Variants in PPP1R37 observed in about 807,000 individuals in gnomAD.
PPP1R37 encodes leucine rich repeat containing 68.
In PPP1R37, 21 loss-of-function variants were observed where a neutral mutation model predicts 61.0. The ratio of observed to expected loss-of-function variants is 0.34; its 90% CI spans 0.24 to 0.50. PPP1R37 has a LOEUF of 0.50. Ranked by LOEUF, PPP1R37 falls within the 20% of genes least tolerant of loss-of-function variation. The pLI is 0.98. For missense variants in PPP1R37, 910 were observed against 952.7 expected (o/e 0.96, Z 0.59); for synonymous variants, 443 against 433.5 (o/e 1.02, Z -0.27).
chr19:45,135,085 TAAAA>T (rs1412316676), intron 1 of PPP1R37, among the ~76,000 whole-genome samples: 1 of 152,088 alleles, frequency 6.6e-6, no homozygotes, highest in Non-Finnish European at 1.5e-5. Context: ...CCATCTCTAC[TAAAA>T]ATGCAAAAAT....
Position 45,142,427 on chromosome 19 carries a change from G to A in PPP1R37, c.843G>A (p.Leu281=), listed in dbSNP as rs777495209. 4 of 1,536,082 alleles carry A rather than the reference G, an allele frequency of 2.6e-6. No individual in the cohort carries two copies. In the Admixed American group the frequency reaches 5.9e-5, roughly 23 times the overall value. ...LLKFNCSLQI[L]DLRNNHVLDS... ...AGTTCAACTGCTCCCTGCAGATCCT[G>A]GACCTCCGGAACAACCACGTGCTAG... Residue 281 remains leucine, a synonymous_variant, in exon 7 of 13, where the codon CTG becomes CTA. Transcript: ENST00000221462.
Position 45,142,187 on chromosome 19 carries a change from T to A in PPP1R37, c.694T>A (p.Ser232Thr), listed in dbSNP as rs1343246237. ...GCTGCACTTGGAGAACGCCAGCCTG[T>A]CGGGGCGGCCCCTCATGCTGCTCGG... ...AVLHLENASLSGRPLMLLATA... is the reference protein window; with the variant it reads ...AVLHLENASLTGRPLMLLATA... Residue 232 changes from serine to threonine, a missense_variant, in exon 6 of 13, where the codon TCG (serine) becomes ACG (threonine). Transcript: ENST00000221462. 1 of 1,534,962 alleles carries A rather than the reference T, an allele frequency of 6.5e-7. No individual in the cohort carries two copies. The highest frequency in any genetic ancestry group is 8.7e-7 in the Non-Finnish European group (1 of 1,146,364).
intron 1 of PPP1R37, among the ~76,000 whole-genome samples, chr19:45,118,206 C>T (rs915996321): frequency 6.6e-6 from 1 of 152,214 alleles, no homozygotes; most frequent in Non-Finnish European, 1.5e-5. Flanking sequence ...GGCACCCAGC[C>T]GCTGTCCCCA....
chr19:45,119,948 C>G (rs1968318830), intron 1 of PPP1R37, among the ~76,000 whole-genome samples: 1 of 151,944 alleles, frequency 6.6e-6, no homozygotes, highest in Non-Finnish European at 1.5e-5. Context: ...GGCTGCTTCA[C>G]TGGCTACTCC....
At chr19:45,138,678 C>T (rs1185835105) in intron 2 of PPP1R37, 67 bp downstream of exon 2, 6 of 1,175,632 alleles carry the variant, frequency 5.1e-6, no homozygotes, top group Non-Finnish European at 7.3e-6. Flanking sequence ...TGGAACCAGC[C>T]CAGCAGGAGA....
At chr19:45,113,212 A>G (rs193090583) in intron 1 of PPP1R37, among the ~76,000 whole-genome samples, 19 of 152,296 alleles carry the variant, frequency 1.2e-4, no homozygotes, top group African/African-American at 4.6e-4. Flanking sequence ...GGGCAGGAAG[A>G]TGTGCATTAC....
chr19:45,128,132 A>G (rs1378385903), intron 1 of PPP1R37, among the ~76,000 whole-genome samples: 1 of 152,152 alleles, frequency 6.6e-6, no homozygotes, highest in African/African-American at 2.4e-5. Flanking sequence ...GTATATAGAG[A>G]GAAGGAAGTT....
intron 1 of PPP1R37, among the ~76,000 whole-genome samples, chr19:45,127,674 T>C (rs1568446705): frequency 1.3e-5 from 2 of 152,064 alleles, no homozygotes; most frequent in South Asian, 4.1e-4. Context: ...AGATTCAACA[T>C]AAAGAAATGA....
chr19:45,146,232 G>C (rs1382220177), intron 11 of PPP1R37, 158 bp from the exon 12 acceptor site: 2 of 894,446 alleles, frequency 2.2e-6, no homozygotes, highest in Non-Finnish European at 3.3e-6. Context: ...GCTCTTCCTG[G>C]GGTGGGGGGG....
chr19:45,144,200 TAG>T (rs1320356780), intron 8 of PPP1R37: 3 of 152,426 alleles, frequency 2.0e-5, no homozygotes, highest in African/African-American at 4.8e-5. Context: ...ATTTTTTTAG[TAG>T]AGAGGGGATT....
In PPP1R37 at chr19:45,121,892, G is replaced by A. The variant is rs751377670; in HGVS notation, c.203-16622G>A. 1.1e-4 allele frequency among the ~76,000 whole-genome samples: 17 copies of A among 152,336 alleles called. 1 individual carries two copies. Among genetic ancestry groups the A allele is most frequent in the South Asian group, 8.3e-4 (4 of 4,828 alleles). ...ATGACTGATCAGACTCTGATTCTGT[G>A]TGGAGCAGCCTGGGGAAGGGCTTGG... On this transcript the variant is annotated intron_variant, in intron 1 of 12. Coordinates refer to ENST00000221462, the MANE Select transcript of PPP1R37 (RefSeq NM_019121.2). This position sits in a 1 kb window ranked among gnomAD's most constrained non-coding sequence, Gnocchi z 4.2.
At position 45,131,016 on chromosome 19, in the gene PPP1R37, C is replaced by T. The variant is rs1011684630; in HGVS notation, c.203-7498C>T. Among the ~76,000 whole-genome samples the T allele has an allele frequency of 7.2e-5, 11 of 152,200 alleles. 1 individual carries two copies. In the South Asian group the frequency reaches 1.9e-3, roughly 26 times the overall value. On this transcript the variant is annotated intron_variant, in intron 1 of 12. Coordinates refer to ENST00000221462, the MANE Select transcript of PPP1R37 (RefSeq NM_019121.2). ...TCCCCCGCCCTGCTCCAGGCTGGCA[C>T]GGATGGTGTGAGTCATCACCGCCCC...
chr19:45,097,587 T>C (rs1968009071), intron 1 of PPP1R37, among the ~76,000 whole-genome samples: 1 of 151,660 alleles, frequency 6.6e-6, no homozygotes, highest in South Asian at 2.1e-4. Flanking sequence ...TTCCTGGAGA[T>C]GAGGTGATCT....
At chr19:45,145,285 C>T in intron 10 of PPP1R37, 25 bp downstream of exon 10, 5 of 1,524,578 alleles carry the variant, frequency 3.3e-6, no homozygotes, top group East Asian at 2.5e-5. Flanking sequence ...GTCCTGCAGC[C>T]CTGGGGCGGG....
intron 1 of PPP1R37, among the ~76,000 whole-genome samples, chr19:45,120,082 A>G (rs552550027): frequency 2.9e-3 from 364 of 126,982 alleles, no homozygotes; most frequent in African/African-American, 0.011. Flanking sequence ...CAGTGGCGCG[A>G]TCTCCGCTCA....
chr19:45,097,803 C>T (rs1051112530), intron 1 of PPP1R37, among the ~76,000 whole-genome samples: 10 of 152,106 alleles, frequency 6.6e-5, no homozygotes, highest in African/African-American at 1.9e-4. Flanking sequence ...AGTCCATCCT[C>T]TTCTCCGCTT....
In PPP1R37 at chr19:45,111,507, C is replaced by T. The variant is rs1027748980; in HGVS notation, c.202+17980C>T. ...GGCCAGGCTGGTCTCGAATCCCGACCTCAGGTGATCCGCCTGCCTCGATCT... is the reference window on the plus strand; with the variant it reads ...GGCCAGGCTGGTCTCGAATCCCGACTTCAGGTGATCCGCCTGCCTCGATCT... On this transcript the variant is annotated intron_variant, in intron 1 of 12. Coordinates refer to ENST00000221462, the MANE Select transcript of PPP1R37 (RefSeq NM_019121.2). Among the ~76,000 whole-genome samples, 8 of 152,288 alleles carry T rather than the reference C, an allele frequency of 5.3e-5. No individual in the cohort carries two copies. In the East Asian group the frequency reaches 1.4e-3, roughly 26 times the overall value.
chr19:45,138,560 C>A lies in PPP1R37; in HGVS notation c.249C>A (p.Ala83=), dbSNP rs1370951104. The change falls in exon 2 of 13, where the codon GCC becomes GCA. Residue 83 remains alanine (A), a synonymous_variant. Coordinates refer to ENST00000221462, the MANE Select transcript of PPP1R37 (RefSeq NM_019121.2). The part of the protein sequence containing the change: ...VDEVIGAYKQ[A]CQKLNCRQIP... ...AGGTCATCGGCGCCTACAAGCAGGCCTGCCAGAAGCTGAACTGCAGGCAGA... is the reference window on the plus strand; with the variant it reads ...AGGTCATCGGCGCCTACAAGCAGGCATGCCAGAAGCTGAACTGCAGGCAGA... 6.5e-7 allele frequency: 1 copy of A among 1,534,818 alleles called. No homozygotes were observed. Among genetic ancestry groups the A allele is most frequent in the Non-Finnish European group, 8.7e-7 (1 of 1,146,280 alleles).
chr19:45,131,908 C>T (rs1968482393), intron 1 of PPP1R37, among the ~76,000 whole-genome samples: 1 of 152,164 alleles, frequency 6.6e-6, no homozygotes, highest in Admixed American at 6.6e-5. Flanking sequence ...TCCCTTGTTG[C>T]CTGCGACCCC....
Sources: allele counts gnomAD v4.1 joint callset (sites outside exome capture counted in the v4.1 genomes callset), GRCh38; gene constraint gnomAD v4.1.1; non-coding constraint Gnocchi (gnomAD v3.1); transcripts MANE v1.5; gene names NCBI Gene and HGNC (gene_info 2026-07-23, HGNC 2026-07-21).